The following ENPP6 variants were observed in gnomAD, a reference collection of about 807,000 sequenced individuals.
ENPP6 encodes ectonucleotide pyrophosphatase/phosphodiesterase 6.
In ENPP6, 32 loss-of-function variants were observed where a neutral mutation model predicts 42.0. The observed-to-expected ratio is 0.76, with a 90% confidence interval of 0.58 to 1.02. ENPP6 has a LOEUF of 1.02. ENPP6 is among the 50% of genes least tolerant of loss of function. The probability of loss-of-function intolerance (pLI) is 0.00; values close to 1 mark genes in which losing one functional copy is unlikely to be tolerated. For synonymous variants in ENPP6, 213 were observed against 216.0 expected, an observed-to-expected ratio of 0.99 and a Z score of 0.12; for missense variants, 552 against 566.8, an observed-to-expected ratio of 0.97 and a Z score of 0.27.
At chr4:184,102,789 A>C (rs1037776346) in intron 6 of ENPP6, among the ~76,000 whole-genome samples, 6 of 152,240 alleles carry the variant, frequency 3.9e-5, no homozygotes, top group African/African-American at 1.4e-4. Context: ...ACACCGGTGC[A>C]TCCCATGCTG....
At chr4:184,168,458 C>T (rs920890466) in intron 1 of ENPP6, among the ~76,000 whole-genome samples, 3 of 152,228 alleles carry the variant, frequency 2.0e-5, no homozygotes, top group Non-Finnish European at 4.4e-5. Context: ...AAAAGAAAAG[C>T]AGCACCACGT....
At chr4:184,094,781 CTG>C (rs1735869324) in intron 7 of ENPP6, among the ~76,000 whole-genome samples, 1 of 152,270 alleles carries the variant, frequency 6.6e-6, no homozygotes, top group Non-Finnish European at 1.5e-5. Flanking sequence ...CCCACTCCTG[CTG>C]TCTTATCTCA....
In ENPP6 at chr4:184,206,357, C is replaced by A. The variant is rs575199393; in HGVS notation, c.241+11222G>T. ...ACTGCAAGCTCCGCCTCCCGGGTTC[C>A]CGCCATTCTCCTGCCTCAGCCTCCC... is the stretch of plus-strand genomic sequence containing the variant. On this transcript the variant is annotated intron_variant, in intron 1 of 7. Transcript: ENST00000296741. Among the ~76,000 whole-genome samples, 63 of 113,522 alleles carry A rather than the reference C, an allele frequency of 5.5e-4. 2 individuals carry two copies. Among genetic ancestry groups the A allele is most frequent in the African/African-American group, 9.6e-4 (28 of 29,180 alleles). 74.5% of individuals were successfully genotyped at this position (113,522 alleles called of 152,430 possible).
At chr4:184,118,379 G>A (rs973055144) in intron 3 of ENPP6, among the ~76,000 whole-genome samples, 2 of 152,152 alleles carry the variant, frequency 1.3e-5, no homozygotes, top group Non-Finnish European at 2.9e-5. Flanking sequence ...AAAGTTTAAC[G>A]AATGAACTAA....
chr4:184,189,107 C>T (rs865790180), intron 1 of ENPP6, among the ~76,000 whole-genome samples: 2 of 152,162 alleles, frequency 1.3e-5, no homozygotes, highest in African/African-American at 4.8e-5. Flanking sequence ...CTGGGCCGTG[C>T]TGGGAAAGTG....
chr4:184,193,647 T>G (rs1440556163), intron 1 of ENPP6, among the ~76,000 whole-genome samples: 1 of 152,226 alleles, frequency 6.6e-6, no homozygotes, highest in East Asian at 1.9e-4. Context: ...TCAGTAAAGC[T>G]ATTAGTAATC....
At chr4:184,166,731 G>C (rs987881082) in intron 1 of ENPP6, among the ~76,000 whole-genome samples, 3 of 152,230 alleles carry the variant, frequency 2.0e-5, no homozygotes, top group Non-Finnish European at 4.4e-5. Flanking sequence ...TATTTGGAGG[G>C]AGGAGCTTCT....
chr4:184,106,960 C>T (rs1361905257), intron 6 of ENPP6, among the ~76,000 whole-genome samples: 4 of 152,132 alleles, frequency 2.6e-5, no homozygotes, highest in Admixed American at 2.0e-4. Flanking sequence ...CACAGCCCTT[C>T]TCCACTTGGC....
At chr4:184,188,477 A>C (rs2111105850) in intron 1 of ENPP6, among the ~76,000 whole-genome samples, 1 of 152,116 alleles carries the variant, frequency 6.6e-6, no homozygotes, top group Admixed American at 6.5e-5. Context: ...GCTTGAGTCA[A>C]GGGTTGGCAC....
At chr4:184,207,766 C>T (rs1360214630) in intron 1 of ENPP6, among the ~76,000 whole-genome samples, 1 of 152,324 alleles carries the variant, frequency 6.6e-6, no homozygotes, top group East Asian at 1.9e-4. Context: ...TCTGTGTATT[C>T]ATTCGCTTGG....
At chr4:184,172,193 C>A (rs990959978) in intron 1 of ENPP6, among the ~76,000 whole-genome samples, 1 of 152,074 alleles carries the variant, frequency 6.6e-6, no homozygotes, top group Non-Finnish European at 1.5e-5. Flanking sequence ...AGTGATGTGG[C>A]GCATTGTTGG....
chr4:184,160,939 G>A (rs773980314), intron 1 of ENPP6, among the ~76,000 whole-genome samples: 26 of 152,112 alleles, frequency 1.7e-4, no homozygotes, highest in African/African-American at 5.3e-4. Flanking sequence ...GGAGAGGAGG[G>A]GAATATTGAG....
At chr4:184,204,946 T>C (rs560516219) in intron 1 of ENPP6, among the ~76,000 whole-genome samples, 2 of 152,332 alleles carry the variant, frequency 1.3e-5, no homozygotes, top group African/African-American at 4.8e-5. Flanking sequence ...AATTTTTTTT[T>C]TGAGATGAAG....
chr4:184,162,731 G>T (rs1362179070), intron 1 of ENPP6, among the ~76,000 whole-genome samples: 1 of 152,162 alleles, frequency 6.6e-6, no homozygotes, highest in Non-Finnish European at 1.5e-5. Flanking sequence ...TTCTTTGAAA[G>T]GTGAGATGCT....
chr4:184,141,116 C>A (rs1340364993), intron 2 of ENPP6, among the ~76,000 whole-genome samples: 1 of 152,136 alleles, frequency 6.6e-6, no homozygotes, highest in African/African-American at 2.4e-5. Flanking sequence ...GACATTTAAC[C>A]GAGGTGAATT....
chr4:184,129,777 C>T (rs1305233200), intron 2 of ENPP6, among the ~76,000 whole-genome samples: 1 of 152,056 alleles, frequency 6.6e-6, no homozygotes, highest in East Asian at 1.9e-4. Context: ...TATTTAGTGG[C>T]ATAATATTTT....
chr4:184,191,263 G>T (rs1228719773), intron 1 of ENPP6, among the ~76,000 whole-genome samples: 1 of 152,208 alleles, frequency 6.6e-6, no homozygotes, highest in East Asian at 1.9e-4. Context: ...ATATCTCAGA[G>T]CCTTGGTTTC....
rs142197953 is a variant in ENPP6, at chr4:184,167,602, G to T, written c.242-13869C>A. 3.3e-3 allele frequency among the ~76,000 whole-genome samples: 497 copies of T among 152,306 alleles called. 5 individuals carry two copies. Among genetic ancestry groups the T allele is most frequent in the African/African-American group, 0.012 (481 of 41,564 alleles). On this transcript the variant is annotated intron_variant, in intron 1 of 7. Transcript: ENST00000296741. The stretch of plus-strand genomic sequence containing the variant: ...CAACCATCCCCCGCCCGCTTTTTTG[G>T]GGGGAAAGAAACAAGTGGAAGCAAG...
rs1735736888 is a variant in ENPP6, at chr4:184,088,888, G to A, written c.*2289C>T. 1 of 152,206 alleles carries A rather than the reference G, an allele frequency of 6.6e-6. No homozygotes were observed. The highest frequency in any genetic ancestry group is 2.4e-5 in the African/African-American group (1 of 41,452). The allele number at this position is 152,206 out of a possible 1,614,324, so 9.4% of individuals were successfully genotyped here. Reference sequence around the variant, plus strand: ...TAACTTGCAGATTTTCAGGACGAGTGAAGGAGGAAAATGGCAGAAGAGTTC... The same window carrying A: ...TAACTTGCAGATTTTCAGGACGAGTAAAGGAGGAAAATGGCAGAAGAGTTC... On this transcript the variant is annotated 3_prime_UTR_variant, in exon 8 of 8. Transcript: ENST00000296741.
Sources: allele counts gnomAD v4.1 joint callset (sites outside exome capture counted in the v4.1 genomes callset), GRCh38; gene constraint gnomAD v4.1.1; transcripts MANE v1.5; gene names NCBI Gene and HGNC (gene_info 2026-07-23, HGNC 2026-07-21).